Variants in AKAP6 observed in about 807,000 individuals in gnomAD.
AKAP6 encodes the protein A-kinase anchoring protein 6.
Under a neutral mutation model 188.5 loss-of-function variants are expected in AKAP6, and 58 were observed. The ratio of observed to expected loss-of-function variants is 0.31; its 90% CI spans 0.25 to 0.38. The LOEUF (loss-of-function observed/expected upper bound fraction) is 0.38, where lower values mean the gene tolerates loss of function less well. Among genes scored for constraint, AKAP6 ranks in the 10% least tolerant of loss-of-function variants. The pLI is 1.00. For missense variants in AKAP6, 2,710 were observed against 2,740.0 expected, an observed-to-expected ratio of 0.99 and a Z score of 0.24; for synonymous variants, 989 against 998.6, an observed-to-expected ratio of 0.99 and a Z score of 0.18.
chr14:32,686,802 T>C (rs560092152), intron 8 of AKAP6, among the ~76,000 whole-genome samples: 35 of 152,222 alleles, frequency 2.3e-4, no homozygotes, highest in African/African-American at 7.7e-4. Context: ...AAGAGAGTTT[T>C]TAGGGACTTC....
At position 32,400,563 on chromosome 14, in the gene AKAP6, C is replaced by CAAAAAAAAA. The variant is rs71432051; in HGVS notation, c.-34-32889_-34-32881dup. 5.4e-5 allele frequency among the ~76,000 whole-genome samples: 4 copies of CAAAAAAAAA among 73,982 alleles called. 1 individual carries two copies. Among genetic ancestry groups the CAAAAAAAAA allele is most frequent in the African/African-American group, 2.0e-4 (4 of 19,746 alleles). The allele number at this position is 73,982 out of a possible 152,430, so 48.5% of individuals were successfully genotyped here. A position where few individuals can be genotyped will look rare whatever the true frequency, so the allele number is the denominator to read the frequency against. ...TTCAAGATATTTAGTCCACTTTTAG[C>CAAAAAAAAA]AAAAAAAAAAAAAAAAGACAGTAAG... On this transcript the variant is annotated intron_variant, in intron 1 of 13. Transcript: ENST00000280979.
At chr14:32,811,440 G>A (rs1470434786) in intron 12 of AKAP6, among the ~76,000 whole-genome samples, 3 of 151,944 alleles carry the variant, frequency 2.0e-5, no homozygotes, top group Non-Finnish European at 4.4e-5. Context: ...ATGACATAAT[G>A]TTGGCTCCCA....
chr14:32,769,161 C>T (rs2032818461), intron 11 of AKAP6, among the ~76,000 whole-genome samples: 1 of 148,836 alleles, frequency 6.7e-6, no homozygotes, highest in Non-Finnish European at 1.5e-5. Flanking sequence ...CATTCTCCTG[C>T]CTCAGCCTCC....
intron 7 of AKAP6, among the ~76,000 whole-genome samples, chr14:32,603,893 A>G (rs1405937845): frequency 6.6e-6 from 1 of 152,164 alleles, no homozygotes; most frequent in Non-Finnish European, 1.5e-5. Context: ...CAAACCTCTC[A>G]ACGAGCAAGA....
At chr14:32,413,556 T>C (rs1422987668) in intron 1 of AKAP6, among the ~76,000 whole-genome samples, 1 of 152,136 alleles carries the variant, frequency 6.6e-6, no homozygotes, top group Non-Finnish European at 1.5e-5. Context: ...CACAAATTTC[T>C]CCCTTGCTTC....
At chr14:32,397,690 C>A (rs1163415495) in intron 1 of AKAP6, among the ~76,000 whole-genome samples, 2 of 152,284 alleles carry the variant, frequency 1.3e-5, no homozygotes, top group Admixed American at 6.5e-5. Flanking sequence ...GGAAATAATT[C>A]TTGGTTAACT....
Position 32,824,698 on chromosome 14 carries a change from C to T in AKAP6, c.6885C>T (p.Pro2295=). Residue 2295 remains proline (P), a synonymous_variant, in exon 13 of 14, where the codon CCC becomes CCT. Coordinates refer to ENST00000280979, the MANE Select transcript of AKAP6 (RefSeq NM_004274.5). ...NQPTDKAALH[P]SPKTLTCEEN... is the part of the protein sequence containing the mutation. ...CAACAGACAAGGCCGCATTGCATCC[C>T]AGCCCCAAAACTTTAACCTGTGAAG... The T allele has an allele frequency of 3.1e-6, 5 of 1,613,908 alleles. No homozygotes were observed. Among genetic ancestry groups the T allele is most frequent in the Non-Finnish European group, 3.4e-6 (4 of 1,179,894 alleles).
intron 2 of AKAP6, among the ~76,000 whole-genome samples, chr14:32,455,174 G>A (rs1443559953): frequency 6.6e-6 from 1 of 151,426 alleles, no homozygotes; most frequent in Non-Finnish European, 1.5e-5. Context: ...TTAGAGATGG[G>A]CCTCACTATG....
chr14:32,603,680 T>G (rs542500472), intron 7 of AKAP6, among the ~76,000 whole-genome samples: 66 of 152,362 alleles, frequency 4.3e-4, no homozygotes, highest in Middle Eastern at 6.8e-3. Flanking sequence ...GAATGTCTGT[T>G]GCATTGTTAC....
chr14:32,425,149 ATC>A (rs1889987733), intron 1 of AKAP6, among the ~76,000 whole-genome samples: 1 of 152,100 alleles, frequency 6.6e-6, no homozygotes, highest in African/African-American at 2.4e-5. Flanking sequence ...CCTCACCAGC[ATC>A]TGTTATTTTT....
At chr14:32,585,811 AAGGG>A (rs1031628836) in intron 5 of AKAP6, among the ~76,000 whole-genome samples, 1 of 152,070 alleles carries the variant, frequency 6.6e-6, no homozygotes, top group Non-Finnish European at 1.5e-5. Context: ...TTTGTTAGGG[AAGGG>A]AGGATGGGAG....
In AKAP6 at chr14:32,786,316, T is replaced by A. The variant is rs571065168; in HGVS notation, c.3588+12423T>A. ...CCTTTATCTTTTTTTTTTTTTTTTT[T>A]TTTTTTTTTGAGACGGAATCTTGCT... On this transcript the variant is annotated intron_variant, in intron 12 of 13. Coordinates refer to ENST00000280979, the MANE Select transcript of AKAP6 (RefSeq NM_004274.5). Among the ~76,000 whole-genome samples, 862 of 108,004 alleles carry A rather than the reference T, an allele frequency of 8.0e-3. 34 individuals carry two copies. The highest frequency in any genetic ancestry group is 0.027 in the African/African-American group (787 of 29,692). The allele number at this position is 108,004 out of a possible 152,430, so 70.9% of individuals were successfully genotyped here.
At chr14:32,627,258 C>T (rs1015927021) in intron 7 of AKAP6, among the ~76,000 whole-genome samples, 3 of 151,996 alleles carry the variant, frequency 2.0e-5, no homozygotes, top group Non-Finnish European at 2.9e-5. Flanking sequence ...AAATAATCAG[C>T]GTGAAAATCA....
chr14:32,371,972 C>T (rs994143409), intron 1 of AKAP6, among the ~76,000 whole-genome samples: 1 of 151,942 alleles, frequency 6.6e-6, no homozygotes, highest in Non-Finnish European at 1.5e-5. Flanking sequence ...CTCCTTCTCC[C>T]TCTTCCTCCC....
intron 7 of AKAP6, among the ~76,000 whole-genome samples, chr14:32,647,915 C>T (rs1304765144): frequency 6.6e-6 from 1 of 151,972 alleles, no homozygotes; most frequent in Admixed American, 6.6e-5. Flanking sequence ...GGGCTTTTCT[C>T]CATCACAAGA....
chr14:32,785,458 A>T (rs1158693307), intron 12 of AKAP6, among the ~76,000 whole-genome samples: 1 of 152,192 alleles, frequency 6.6e-6, no homozygotes, highest in Non-Finnish European at 1.5e-5. Flanking sequence ...ATCATATATG[A>T]TCATTCAATG....
At chr14:32,692,162 C>CTGTA (rs1290279297) in intron 8 of AKAP6, among the ~76,000 whole-genome samples, 1 of 152,046 alleles carries the variant, frequency 6.6e-6, no homozygotes, top group Non-Finnish European at 1.5e-5. Flanking sequence ...GGGTGAGTAT[C>CTGTA]TGTATTAGGT....
chr14:32,678,780 C>G (rs1475123550), intron 8 of AKAP6, among the ~76,000 whole-genome samples: 1 of 152,086 alleles, frequency 6.6e-6, no homozygotes, highest in Non-Finnish European at 1.5e-5. Context: ...TGTATTTGCT[C>G]TTTTTTAGGT....
intron 12 of AKAP6, among the ~76,000 whole-genome samples, chr14:32,783,737 G>GA (rs1245905917): frequency 5.9e-5 from 9 of 152,010 alleles, no homozygotes; most frequent in Admixed American, 2.0e-4. Flanking sequence ...TTTTACAGAA[G>GA]AAAAAAATTG....
Sources: gnomAD v4.1 joint callset for allele counts (sites outside exome capture counted in the v4.1 genomes callset) on GRCh38, gnomAD v4.1.1 for gene constraint, MANE v1.5 for transcripts, NCBI Gene and HGNC (gene_info 2026-07-23, HGNC 2026-07-21) for gene names.